Variants in DCAF6 observed in about 807,000 individuals in gnomAD.
The protein encoded by DCAF6 is DDB1- and CUL4-associated factor 6.
In DCAF6, 54 loss-of-function variants were observed where a neutral mutation model predicts 125.1. The ratio of observed to expected loss-of-function variants is 0.43; its 90% CI spans 0.35 to 0.54. The LOEUF (loss-of-function observed/expected upper bound fraction) is 0.54. DCAF6 is among the 20% of genes least tolerant of loss of function. The probability of loss-of-function intolerance (pLI) is 0.01; values close to 1 mark genes in which losing one functional copy is unlikely to be tolerated. For synonymous variants in DCAF6, 371 were observed against 390.4 expected (o/e 0.95, Z 0.58); for missense variants, 934 against 1,161.7 (o/e 0.80, Z 2.85).
chr1:167,878,020 GC>G, the DCAF6 span, among the ~76,000 whole-genome samples: 1 of 152,202 alleles, frequency 6.6e-6, no homozygotes, highest in East Asian at 1.9e-4. Flanking sequence ...TCTATGCTGA[GC>G]TTTTGGGGAA....
At chr1:167,902,535 A>T in the DCAF6 span, among the ~76,000 whole-genome samples, 1 of 152,166 alleles carries the variant, frequency 6.6e-6, no homozygotes, top group Admixed American at 6.5e-5. Flanking sequence ...GTTTATTTAG[A>T]CGGTATGGCA....
upstream of DCAF6, among the ~76,000 whole-genome samples, chr1:167,933,175 T>TG (rs1374140869): frequency 5.9e-3 from 895 of 152,024 alleles, 12 homozygotes; most frequent in African/African-American, 0.02. Context: ...ATTAGTTTTT[T>TG]TTTTTTTTTT....
intron 3 of DCAF6, among the ~76,000 whole-genome samples, chr1:167,973,624 A>G (rs893338545): frequency 6.6e-6 from 1 of 152,082 alleles, no homozygotes; most frequent in East Asian, 1.9e-4. Context: ...TCAATCACTG[A>G]TGTTATTCTT....
the DCAF6 span, chr1:167,902,153 C>G: frequency 8.5e-7 from 1 of 1,174,066 alleles, no homozygotes; most frequent in Non-Finnish European, 1.3e-6. Flanking sequence ...GTCAAAAGAA[C>G]AGTGATTCAG....
chr1:167,937,240 C>G, intron 1 of DCAF6: 1 of 587,094 alleles, frequency 1.7e-6, no homozygotes, highest in South Asian at 2.0e-5. Flanking sequence ...GAGGGCCGGG[C>G]CGTGGGCAGA....
At chr1:167,985,442 G>A (rs1298042857) in intron 4 of DCAF6, among the ~76,000 whole-genome samples, 1 of 152,052 alleles carries the variant, frequency 6.6e-6, no homozygotes, top group Non-Finnish European at 1.5e-5. Context: ...CAGCAACATA[G>A]CATCTTGAGA....
the DCAF6 span, chr1:167,924,586 T>C: frequency 7.4e-7 from 1 of 1,354,250 alleles, no homozygotes; most frequent in African/African-American, 1.5e-5. Flanking sequence ...AAATATATTA[T>C]ACACGTCTTT....
At chr1:167,906,237 A>G in the DCAF6 span, among the ~76,000 whole-genome samples, 1 of 152,248 alleles carries the variant, frequency 6.6e-6, no homozygotes, top group Non-Finnish European at 1.5e-5. Context: ...GTATACATTT[A>G]AAAATGTATT....
At chr1:167,870,395 A>T in the DCAF6 span, 1 of 1,609,996 alleles carries the variant, frequency 6.2e-7, no homozygotes, top group Non-Finnish European at 8.5e-7. Context: ...GAAGTAGTTG[A>T]TCTCTTTATT....
chr1:168,009,414 TTTTG>T (rs1683919881), intron 10 of DCAF6, among the ~76,000 whole-genome samples: 1 of 132,630 alleles, frequency 7.5e-6, no homozygotes, highest in Non-Finnish European at 1.7e-5. Context: ...TCTCTCTCTC[TTTTG>T]TTTCTTTCTG....
intron 2 of DCAF6, among the ~76,000 whole-genome samples, chr1:167,963,887 A>G (rs1439776114): frequency 2.0e-5 from 3 of 152,252 alleles, no homozygotes; most frequent in Admixed American, 6.5e-5. Flanking sequence ...AAATAACACT[A>G]TAATGATTCA....
intron 5 of DCAF6, 21 bp from the exon 6 acceptor site, chr1:167,991,183 G>A (rs537452883): frequency 1.9e-6 from 3 of 1,600,204 alleles, no homozygotes; most frequent in East Asian, 2.3e-5. Context: ...TATGTAATTG[G>A]TATTATGTTA....
intron 2 of DCAF6, among the ~76,000 whole-genome samples, chr1:167,953,700 A>G (rs1258695973): frequency 1.3e-5 from 2 of 152,078 alleles, no homozygotes; most frequent in Non-Finnish European, 2.9e-5. Flanking sequence ...CCCGGGTTCA[A>G]GCAGTTCTCC....
intron 12 of DCAF6, among the ~76,000 whole-genome samples, chr1:168,028,713 G>T (rs1165924721): frequency 6.6e-6 from 1 of 152,136 alleles, no homozygotes; most frequent in Non-Finnish European, 1.5e-5. Flanking sequence ...AAATGGAAAA[G>T]TTGGACCTGC....
At chr1:167,950,267 G>C (rs551078242) in intron 1 of DCAF6, among the ~76,000 whole-genome samples, 119 of 152,114 alleles carry the variant, frequency 7.8e-4, no homozygotes, top group Admixed American at 2.0e-3. Context: ...AACTCAATGA[G>C]ATTACCAATC....
intron 12 of DCAF6, among the ~76,000 whole-genome samples, chr1:168,037,187 C>T (rs1367505169): frequency 6.6e-6 from 1 of 150,542 alleles, no homozygotes; most frequent in Admixed American, 6.6e-5. Flanking sequence ...ACCACTGAGC[C>T]CCGCTGAGAT....
At chr1:168,038,956 T>C (rs1164419808) in intron 13 of DCAF6, among the ~76,000 whole-genome samples, 3 of 152,124 alleles carry the variant, frequency 2.0e-5, no homozygotes, top group Non-Finnish European at 2.9e-5. Context: ...TTATAATAAA[T>C]ATTCCCATGT....
chr1:167,975,671 G>C (rs1678041400), intron 4 of DCAF6, among the ~76,000 whole-genome samples: 1 of 152,070 alleles, frequency 6.6e-6, no homozygotes, highest in East Asian at 1.9e-4. Context: ...TCAGCCTCTT[G>C]AGTAGCTGGG....
chr1:167,875,106 T>C, the DCAF6 span: 2 of 1,607,634 alleles, frequency 1.2e-6, no homozygotes, highest in South Asian at 2.2e-5. Flanking sequence ...AATAAAGAAG[T>C]TTAAAATCAA....
Sources: gnomAD v4.1 joint callset for allele counts (sites outside exome capture counted in the v4.1 genomes callset) on GRCh38, gnomAD v4.1.1 for gene constraint, MANE v1.5 for transcripts, NCBI Gene and HGNC (gene_info 2026-07-23, HGNC 2026-07-21) for gene names.